Variants in THOC1 observed in about 807,000 individuals in gnomAD.
The protein encoded by THOC1 is THO complex 1.
THOC1 carries 29 observed loss-of-function variants against 97.3 expected under a neutral mutation model. The observed-to-expected ratio is 0.30, with a 90% confidence interval of 0.22 to 0.41. The LOEUF (loss-of-function observed/expected upper bound fraction) is 0.41. THOC1 is among the 10% of genes least tolerant of loss of function. The pLI is 1.00. For synonymous variants in THOC1, 255 were observed against 257.0 expected (o/e 0.99, Z 0.07); for missense variants, 529 against 761.9 (o/e 0.69, Z 3.60).
At chr18:248,021 T>C (rs764230069) in intron 9 of THOC1, 64 bp from the exon 10 acceptor site, 7 of 1,085,658 alleles carry the variant, frequency 6.4e-6, no homozygotes, top group Non-Finnish European at 9.2e-6. Context: ...CTAAATATTC[T>C]TAACTTAGCT....
chr18:255,821 T>G (rs921165716), intron 7 of THOC1, among the ~76,000 whole-genome samples: 2 of 152,214 alleles, frequency 1.3e-5, no homozygotes, highest in Non-Finnish European at 2.9e-5. Flanking sequence ...AGCTGGTGAC[T>G]TTAAGTTGAA....
chr18:254,398 C>T lies in THOC1; in HGVS notation c.521-43G>A. 5 of 1,216,652 alleles carry T rather than the reference C, an allele frequency of 4.1e-6. No homozygotes were observed. The highest frequency in any genetic ancestry group is 5.9e-6 in the Non-Finnish European group (5 of 848,800). The allele number at this position is 1,216,652 out of a possible 1,614,324, so 75.4% of individuals were successfully genotyped here. On this transcript the variant is annotated intron_variant, in intron 7 of 20. Coordinates refer to ENST00000261600, the MANE Select transcript of THOC1 (RefSeq NM_005131.3). The surrounding 1 kb of genome is among the most constrained non-coding windows in gnomAD (Gnocchi z 4.1). ...AAAAGATGCAAAGCAAGTCCAGTGACACCTAAACTTATGTATAACTTGTGT... is the reference window on the plus strand; with the variant it reads ...AAAAGATGCAAAGCAAGTCCAGTGATACCTAAACTTATGTATAACTTGTGT...
At chr18:217,841 A>G (rs1321884921) in intron 18 of THOC1, among the ~76,000 whole-genome samples, 1 of 152,180 alleles carries the variant, frequency 6.6e-6, no homozygotes, top group Admixed American at 6.5e-5. Context: ...AGGTCCTGAC[A>G]GGAAAGGGAA....
At chr18:246,543 CCAGT>C (rs1308791825) in intron 10 of THOC1, 88 bp from the exon 11 acceptor site, 53 of 1,142,834 alleles carry the variant, frequency 4.6e-5, no homozygotes, top group South Asian at 1.8e-4. Flanking sequence ...GAATTTACTC[CCAGT>C]CAATCATGTA....
chr18:214,997 G>A, intron 20 of THOC1, 76 bp from the exon 21 acceptor site: 3 of 1,366,428 alleles, frequency 2.2e-6, no homozygotes, highest in Middle Eastern at 1.9e-4. Flanking sequence ...GGGCCAATAA[G>A]TTTTATTAAC....
intron 11 of THOC1, among the ~76,000 whole-genome samples, chr18:227,907 A>G (rs1230662029): frequency 1.3e-5 from 2 of 151,902 alleles, no homozygotes; most frequent in Non-Finnish European, 2.9e-5. Flanking sequence ...AAGCCTCCCT[A>G]TTCACTAGCA....
At chr18:259,953 A>C in intron 5 of THOC1, 1 of 524,156 alleles carries the variant, frequency 1.9e-6, no homozygotes, top group Non-Finnish European at 3.3e-6. Context: ...GAAAGTGTGA[A>C]TTTTCAAGTT....
chr18:214,560 C>T lies in THOC1; in HGVS notation c.*66G>A. Reference sequence around the variant, plus strand: ...TTATTGTTTACCAAAACCAGTGGACCTCTTATCAAATGCTGCTTGGTAACA... The same window carrying T: ...TTATTGTTTACCAAAACCAGTGGACTTCTTATCAAATGCTGCTTGGTAACA... On this transcript the variant is annotated 3_prime_UTR_variant, in exon 21 of 21. Coordinates refer to ENST00000261600, the MANE Select transcript of THOC1 (RefSeq NM_005131.3). The T allele has an allele frequency of 7.6e-7, 1 of 1,316,004 alleles. No homozygotes were observed. Among genetic ancestry groups the T allele is most frequent in the South Asian group, 1.4e-5 (1 of 73,324 alleles). 81.5% of individuals were successfully genotyped at this position (1,316,004 alleles called of 1,614,324 possible).
At chr18:255,375 T>C (rs1288675371) in intron 7 of THOC1, among the ~76,000 whole-genome samples, 3 of 152,150 alleles carry the variant, frequency 2.0e-5, no homozygotes, top group Admixed American at 2.0e-4. Flanking sequence ...GCCACTCCAG[T>C]GAATACATGA....
rs1291011026 is a variant in THOC1 at position 242,444 on chromosome 18, A to G, written c.918+3880T>C. Among the ~76,000 whole-genome samples, 1 of 59,894 alleles carries G rather than the reference A, an allele frequency of 1.7e-5. No homozygotes were observed. The highest frequency in any genetic ancestry group is 3.6e-5 in the African/African-American group (1 of 27,632). 39.3% of individuals were successfully genotyped at this position (59,894 alleles called of 152,430 possible). ...AGTGGGCCAAAAAAAAAGTGTCTCA[A>G]AAAAAAAAAAAAAGTTTGTATCATC... On this transcript the variant is annotated intron_variant, in intron 11 of 20. Transcript: ENST00000261600. This position sits in a 1 kb window ranked among gnomAD's most constrained non-coding sequence, Gnocchi z 4.5.
At chr18:261,498 C>T (rs1912604365) in intron 4 of THOC1, among the ~76,000 whole-genome samples, 1 of 152,146 alleles carries the variant, frequency 6.6e-6, no homozygotes, top group Non-Finnish European at 1.5e-5. Flanking sequence ...CAACTCAATA[C>T]AAGGGAACAC....
At chr18:220,133 A>T (rs1215526519) in intron 17 of THOC1, among the ~76,000 whole-genome samples, 1 of 152,202 alleles carries the variant, frequency 6.6e-6, no homozygotes, top group East Asian at 1.9e-4. Context: ...TCCATGTCCT[A>T]CACAGAGATA....
At chr18:256,809 T>C (rs1352613923) in intron 7 of THOC1, among the ~76,000 whole-genome samples, 2 of 152,210 alleles carry the variant, frequency 1.3e-5, no homozygotes, top group African/African-American at 4.8e-5. Flanking sequence ...CAGCATCATG[T>C]GCTACAGAGA....
chr18:220,916 CTCAGTG>C (rs1405815410), intron 17 of THOC1, among the ~76,000 whole-genome samples: 1 of 152,070 alleles, frequency 6.6e-6, no homozygotes, highest in Non-Finnish European at 1.5e-5. Flanking sequence ...CTGAATGACT[CTCAGTG>C]TCAGACTCTT....
At chr18:265,079 C>T (rs749463736) in intron 3 of THOC1, 2 of 491,580 alleles carry the variant, frequency 4.1e-6, no homozygotes, top group Non-Finnish European at 7.1e-6. Context: ...TCTTATCTCA[C>T]TTGGAGAGGG....
At chr18:252,841 G>A (rs774554160) in intron 8 of THOC1, among the ~76,000 whole-genome samples, 10 of 152,214 alleles carry the variant, frequency 6.6e-5, no homozygotes, top group Non-Finnish European at 1.2e-4. Flanking sequence ...CATGAAGACA[G>A]TAGAAAGTTT....
Position 216,586 on chromosome 18 carries a change from G to A in THOC1, c.1502C>T (p.Ala501Val), listed in dbSNP as rs1910899491. The A allele has an allele frequency of 6.2e-7, 1 of 1,613,840 alleles. No individual in the cohort carries two copies. Among genetic ancestry groups the A allele is most frequent in the Non-Finnish European group, 8.5e-7 (1 of 1,179,886 alleles). The change falls in exon 19 of 21, where the codon GCA becomes GTA. Residue 501 changes from alanine (A) to valine (V), a missense_variant. Ala to Val is a moderately conservative substitution (Grantham distance 64, BLOSUM62 0). Around this residue, in one of 8 missense-constraint regions of THOC1, gnomAD observed 27 missense variants for 80.6 expected, o/e 0.33. Transcript: ENST00000261600. ...CTGGAAGAAGTGAGGGCTTCTCCGTGCTAATAGTCTCAGGGCTCTCCAACC... is the reference window on the plus strand; with the variant it reads ...CTGGAAGAAGTGAGGGCTTCTCCGTACTAATAGTCTCAGGGCTCTCCAACC... ...NYGWRALRLL[A>V]RRSPHFFQPT...
At position 214,689 on chromosome 18, in the gene THOC1, C is replaced by G. The variant is rs766920492; in HGVS notation, c.1911G>C (p.Leu637=). The change falls in exon 21 of 21, where the codon CTG becomes CTC. Residue 637 remains leucine (L), a synonymous_variant. Transcript: ENST00000261600. The part of the protein sequence containing the change: ...HATPENLINA[L]NKSGLSDLAE... ...CAAGGTCACTTAATCCAGACTTATT[C>G]AGTGCATTAATCAGATTCTCAGGTG... 1.9e-6 allele frequency: 3 copies of G among 1,613,764 alleles called. No homozygotes were observed. Among genetic ancestry groups the G allele is most frequent in the Non-Finnish European group, 2.5e-6 (3 of 1,179,728 alleles).
At chr18:248,591 T>C (rs924014436) in intron 9 of THOC1, among the ~76,000 whole-genome samples, 1 of 152,172 alleles carries the variant, frequency 6.6e-6, no homozygotes, top group Admixed American at 6.5e-5. Context: ...ACTAAAAATA[T>C]TATATCCTAA....
Sources: allele counts gnomAD v4.1 joint callset (sites outside exome capture counted in the v4.1 genomes callset), GRCh38; gene constraint gnomAD v4.1.1; regional missense constraint gnomAD v4.1.1; non-coding constraint Gnocchi (gnomAD v3.1); transcripts MANE v1.5; gene names NCBI Gene and HGNC (gene_info 2026-07-23, HGNC 2026-07-21).